Variants in P4HA1 observed in about 807,000 individuals in gnomAD.
P4HA1 encodes prolyl 4-hydroxylase subunit alpha 1.
Under a neutral mutation model 72.8 loss-of-function variants are expected in P4HA1, and 24 were observed. The observed-to-expected ratio is 0.33, with a 90% CI of 0.24 to 0.46. The LOEUF (loss-of-function observed/expected upper bound fraction) is 0.46. P4HA1 is among the 20% of genes least tolerant of loss of function. The pLI is 1.00. For synonymous variants in P4HA1, 201 were observed against 218.8 expected (o/e 0.92, Z 0.72); for missense variants, 446 against 640.6 (o/e 0.70, Z 3.28).
intron 12 of P4HA1, 112 bp from the exon 13 acceptor site, chr10:73,011,149 T>TC (rs1839902961): frequency 1.3e-6 from 1 of 775,216 alleles, no homozygotes; most frequent in Non-Finnish European, 2.1e-6. Context: ...GGACTTGTTC[T>TC]TATATAGCAT....
intron 1 of P4HA1, among the ~76,000 whole-genome samples, chr10:73,086,933 CAAAAAAAAAA>C (rs59200288): frequency 3.0e-5 from 1 of 33,096 alleles, no homozygotes; most frequent in Non-Finnish European, 7.7e-5. Context: ...GAGTGCATCT[CAAAAAAAAAA>C]AAAAAAAAAA....
At chr10:73,012,963 T>C (rs1358919060) in intron 12 of P4HA1, among the ~76,000 whole-genome samples, 1 of 151,944 alleles carries the variant, frequency 6.6e-6, no homozygotes, top group African/African-American at 2.4e-5. Context: ...ACCCAGCTAA[T>C]TTTTGTATTT....
intron 10 of P4HA1, among the ~76,000 whole-genome samples, chr10:73,025,794 T>C (rs912307108): frequency 6.6e-6 from 1 of 152,138 alleles, no homozygotes; most frequent in African/African-American, 2.4e-5. Flanking sequence ...TGTGCAAAAA[T>C]CACAAGCATT....
chr10:73,044,135 C>G (rs560688919), intron 9 of P4HA1, among the ~76,000 whole-genome samples: 1 of 152,198 alleles, frequency 6.6e-6, no homozygotes, highest in Non-Finnish European at 1.5e-5. Flanking sequence ...ACAGCCACTT[C>G]CAAATCAAGA....
At chr10:73,029,404 A>G (rs1840376096) in intron 10 of P4HA1, among the ~76,000 whole-genome samples, 1 of 142,424 alleles carries the variant, frequency 7.0e-6, no homozygotes, top group South Asian at 2.2e-4. Context: ...AGCCAGACTC[A>G]GACTCCATCT....
intron 1 of P4HA1, among the ~76,000 whole-genome samples, chr10:73,081,606 C>A (rs1236514238): frequency 6.6e-6 from 1 of 152,168 alleles, no homozygotes; most frequent in Non-Finnish European, 1.5e-5. Flanking sequence ...ACAGACTCAA[C>A]AGGTCAATCA....
At chr10:73,021,081 G>C (rs924104204) in intron 10 of P4HA1, among the ~76,000 whole-genome samples, 5 of 152,134 alleles carry the variant, frequency 3.3e-5, no homozygotes, top group African/African-American at 7.2e-5. Context: ...GTTGCAGTGA[G>C]CCAAGATCAC....
chr10:73,044,155 T>C (rs1313866017), intron 9 of P4HA1, among the ~76,000 whole-genome samples: 1 of 152,084 alleles, frequency 6.6e-6, no homozygotes, highest in Non-Finnish European at 1.5e-5. Flanking sequence ...AGAAAATGAG[T>C]TGACAGATTT....
intron 1 of P4HA1, among the ~76,000 whole-genome samples, chr10:73,075,740 A>AGTG (rs1381459834): frequency 6.7e-6 from 1 of 148,448 alleles, no homozygotes; most frequent in Admixed American, 6.6e-5. Flanking sequence ...ATATATATAT[A>AGTG]TAGTGTGTGT....
intron 5 of P4HA1, among the ~76,000 whole-genome samples, chr10:73,062,059 G>A (rs915499688): frequency 3.3e-5 from 5 of 152,156 alleles, no homozygotes; most frequent in Non-Finnish European, 7.3e-5. Context: ...AGTTAGATAT[G>A]CATGTTGAAT....
At chr10:73,033,180 C>T (rs1428169927) in intron 9 of P4HA1, among the ~76,000 whole-genome samples, 5 of 152,174 alleles carry the variant, frequency 3.3e-5, no homozygotes, top group Non-Finnish European at 7.3e-5. Context: ...CAACCAACTA[C>T]TGACTTGATT....
In P4HA1 at chr10:73,037,559, A is replaced by T. The variant is rs1332404837; in HGVS notation, c.1149-7189T>A. Among the ~76,000 whole-genome samples, 98 of 32,264 alleles carry T rather than the reference A, an allele frequency of 3.0e-3. 4 individuals carry two copies. Among genetic ancestry groups the T allele is most frequent in the African/African-American group, 0.013 (95 of 7,120 alleles). 21.2% of individuals were successfully genotyped at this position (32,264 alleles called of 152,430 possible). A position where few individuals can be genotyped will look rare whatever the true frequency, so the allele number is the denominator to read the frequency against. ...TATATATATATATATATATATATATATATATATATATATTTTTTTTTTTTT... is the reference window on the plus strand; with the variant it reads ...TATATATATATATATATATATATATTTATATATATATATTTTTTTTTTTTT... On this transcript the variant is annotated intron_variant, in intron 9 of 14. Transcript: ENST00000394890.
intron 1 of P4HA1, among the ~76,000 whole-genome samples, chr10:73,077,606 T>C (rs1841729380): frequency 6.6e-6 from 1 of 152,094 alleles, no homozygotes; most frequent in Non-Finnish European, 1.5e-5. Context: ...TAAATAGTTA[T>C]AATCAACAAA....
intron 5 of P4HA1, among the ~76,000 whole-genome samples, chr10:73,068,573 G>A (rs1841478283): frequency 6.6e-6 from 1 of 152,098 alleles, no homozygotes; most frequent in South Asian, 2.1e-4. Context: ...TTGGTGAAAT[G>A]ATAGTTTCTT....
At chr10:73,046,473 T>G (rs901270040) in intron 8 of P4HA1, among the ~76,000 whole-genome samples, 4 of 152,152 alleles carry the variant, frequency 2.6e-5, no homozygotes, top group African/African-American at 7.2e-5. Flanking sequence ...CATTTCAAAT[T>G]AACATAATAC....
chr10:73,061,014 G>A (rs1186760311), intron 5 of P4HA1, among the ~76,000 whole-genome samples: 1 of 151,952 alleles, frequency 6.6e-6, no homozygotes, highest in Non-Finnish European at 1.5e-5. Flanking sequence ...GTTAATAAAA[G>A]TAAAAGGAAT....
chr10:73,050,615 G>A (rs887483649), intron 7 of P4HA1, among the ~76,000 whole-genome samples: 1 of 151,170 alleles, frequency 6.6e-6, no homozygotes, highest in African/African-American at 2.4e-5. Flanking sequence ...CAGGTGAATC[G>A]CTTGAACCCA....
At chr10:73,073,517 G>A (rs373627235) in intron 3 of P4HA1, among the ~76,000 whole-genome samples, 3 of 152,084 alleles carry the variant, frequency 2.0e-5, no homozygotes, top group African/African-American at 4.8e-5. Flanking sequence ...CACCGCATCC[G>A]GCTGGTATCT....
intron 1 of P4HA1, among the ~76,000 whole-genome samples, chr10:73,078,481 A>G (rs1355369344): frequency 6.6e-6 from 1 of 152,186 alleles, no homozygotes; most frequent in Non-Finnish European, 1.5e-5. Flanking sequence ...TTATAAATAA[A>G]TTAACACTGG....
Sources: gnomAD v4.1 joint callset for allele counts (sites outside exome capture counted in the v4.1 genomes callset) on GRCh38, gnomAD v4.1.1 for gene constraint, MANE v1.5 for transcripts, NCBI Gene and HGNC (gene_info 2026-07-23, HGNC 2026-07-21) for gene names.